Variants in UXS1 observed in about 807,000 individuals in gnomAD.
UXS1 encodes the protein UDP-glucuronic acid decarboxylase 1.
UXS1 carries 33 observed loss-of-function variants against 62.6 expected under a neutral mutation model. That is an observed-to-expected ratio of 0.53 (90% CI 0.40 to 0.70). The LOEUF is 0.70. UXS1 is among the 30% of genes least tolerant of loss of function. The pLI is 0.00. For missense variants in UXS1, 434 were observed against 556.3 expected (o/e 0.78, Z 2.21); for synonymous variants, 213 against 206.8 (o/e 1.03, Z -0.26).
At chr2:106,179,356 T>C (rs943862965) in intron 1 of UXS1, among the ~76,000 whole-genome samples, 3 of 152,100 alleles carry the variant, frequency 2.0e-5, no homozygotes, top group African/African-American at 7.2e-5. Flanking sequence ...TCTCTGGCTC[T>C]GTCATCTTTC....
intron 9 of UXS1, among the ~76,000 whole-genome samples, chr2:106,122,623 TTGA>T (rs1177468153): frequency 6.6e-6 from 1 of 152,212 alleles, no homozygotes; most frequent in Admixed American, 6.5e-5. Flanking sequence ...TTTTACTTAA[TTGA>T]TAGAAAAGTA....
intron 5 of UXS1, among the ~76,000 whole-genome samples, chr2:106,154,265 A>G (rs1341996116): frequency 6.6e-6 from 1 of 152,242 alleles, no homozygotes. Flanking sequence ...ACACAGACAC[A>G]TCATTCTAGA....
chr2:106,146,606 CTG>C (rs1490336745), intron 5 of UXS1, among the ~76,000 whole-genome samples: 2 of 151,698 alleles, frequency 1.3e-5, no homozygotes, highest in African/African-American at 4.8e-5. Flanking sequence ...TGGTGAAACC[CTG>C]TCTCTACTAA....
At chr2:106,150,480 A>G (rs1205301259) in intron 5 of UXS1, among the ~76,000 whole-genome samples, 2 of 152,240 alleles carry the variant, frequency 1.3e-5, no homozygotes, top group East Asian at 1.9e-4. Context: ...CTGTGCTGCC[A>G]CAAGTCTCTG....
chr2:106,178,566 GTGTA>G (rs1407694086), intron 1 of UXS1, among the ~76,000 whole-genome samples: 13 of 151,110 alleles, frequency 8.6e-5, no homozygotes, highest in African/African-American at 1.2e-4. Flanking sequence ...GGGTGTGTGT[GTGTA>G]TATATATATG....
intron 14 of UXS1, among the ~76,000 whole-genome samples, chr2:106,094,780 A>G (rs1676940568): frequency 6.6e-6 from 1 of 152,254 alleles, no homozygotes; most frequent in African/African-American, 2.4e-5. Context: ...GCTGATTAAC[A>G]GCAGAAAGAG....
At chr2:106,176,825 G>C (rs551396555) in intron 1 of UXS1, among the ~76,000 whole-genome samples, 1 of 152,248 alleles carries the variant, frequency 6.6e-6, no homozygotes, top group South Asian at 2.1e-4. Context: ...TGTGGTCCTC[G>C]CCCTGCTCTG....
At chr2:106,171,262 T>C (rs1207377121) in intron 1 of UXS1, among the ~76,000 whole-genome samples, 1 of 150,600 alleles carries the variant, frequency 6.6e-6, no homozygotes. Flanking sequence ...GAGTGTCCTT[T>C]TCCAACAAAG....
Position 106,158,123 on chromosome 2 carries a change from A to G in UXS1, c.231-5T>C. Reference sequence around the variant, plus strand: ...GGTGGGTATTTCTGGGTAAAGCTGTATAATATAAAGAGATTCAAAAGGAAA... The same window carrying G: ...GGTGGGTATTTCTGGGTAAAGCTGTGTAATATAAAGAGATTCAAAAGGAAA... On this transcript the variant is annotated splice_polypyrimidine_tract_variant and splice_region_variant and intron_variant, in intron 4 of 14. Coordinates refer to ENST00000283148, the MANE Select transcript of UXS1 (RefSeq NM_001253875.2). The G allele has an allele frequency of 2.6e-6, 4 of 1,557,690 alleles. No homozygotes were observed. Among genetic ancestry groups the G allele is most frequent in the Non-Finnish European group, 3.5e-6 (4 of 1,148,860 alleles).
chr2:106,179,615 A>G (rs1421829787), intron 1 of UXS1: 1 of 152,258 alleles, frequency 6.6e-6, no homozygotes, highest in East Asian at 1.9e-4. Flanking sequence ...AGTTCTAAAT[A>G]TTGCATTCTA....
intron 1 of UXS1, among the ~76,000 whole-genome samples, chr2:106,185,192 A>G (rs1472802392): frequency 1.3e-5 from 2 of 152,118 alleles, no homozygotes; most frequent in African/African-American, 2.4e-5. Flanking sequence ...TGCCAACTCA[A>G]TGCCCCAGGT....
intron 6 of UXS1, among the ~76,000 whole-genome samples, chr2:106,137,556 AGGTG>A (rs1228259829): frequency 6.6e-6 from 1 of 151,998 alleles, no homozygotes; most frequent in Non-Finnish European, 1.5e-5. Context: ...TGGGAGGCCG[AGGTG>A]GGTGGATCAC....
chr2:106,128,307 T>G (rs1253720190), intron 7 of UXS1, among the ~76,000 whole-genome samples: 1 of 152,096 alleles, frequency 6.6e-6, no homozygotes, highest in Non-Finnish European at 1.5e-5. Context: ...TCTTTCCAGA[T>G]AGGAAGAATG....
At chr2:106,153,380 A>T (rs1242582133) in intron 5 of UXS1, among the ~76,000 whole-genome samples, 1 of 152,144 alleles carries the variant, frequency 6.6e-6, no homozygotes, top group African/African-American at 2.4e-5. Context: ...AGGGAAAGAG[A>T]CTGTCAGCAT....
intron 5 of UXS1, among the ~76,000 whole-genome samples, chr2:106,152,662 G>A (rs1286795325): frequency 2.0e-5 from 3 of 152,150 alleles, no homozygotes; most frequent in African/African-American, 7.2e-5. Flanking sequence ...GCAAGAGTCT[G>A]CAACACTTGA....
rs562935151 is a variant in UXS1, at chr2:106,190,186, C to T, written c.94+3962G>A. Among the ~76,000 whole-genome samples, 4 of 152,266 alleles carry T rather than the reference C, an allele frequency of 2.6e-5. No homozygotes were observed. The East Asian group carries it at 5.8e-4, about 22-fold the overall frequency. On this transcript the variant is annotated intron_variant, in intron 1 of 14. Transcript: ENST00000283148. Reference sequence around the variant, plus strand: ...CAAATTAGAACACCAGCCAATTATTCGCTGGAGAAAACAAAAAGTAACCTA... The same window carrying T: ...CAAATTAGAACACCAGCCAATTATTTGCTGGAGAAAACAAAAAGTAACCTA...
chr2:106,112,750 G>A lies in UXS1; in HGVS notation c.775C>T (p.Arg259Ter), dbSNP rs766671786. 1.9e-6 allele frequency: 3 copies of A among 1,613,702 alleles called. No individual in the cohort carries two copies. The highest frequency in any genetic ancestry group is 1.7e-5 in the Admixed American group (1 of 60,004). Residue 259 changes from arginine to a stop codon, truncating the protein, a stop_gained, in exon 10 of 15, where the codon CGA becomes TGA. Transcript: ENST00000283148. LOFTEE classifies it high-confidence loss of function. The part of the protein sequence containing the change: ...AYMKQEGVEV[R>*]VARIFNTFGP... ...AAGGTGTTGAAGATTCTGGCCACTCGCACTTCCACGCCTTCCTGGAACAGA... is the reference window on the plus strand; with the variant it reads ...AAGGTGTTGAAGATTCTGGCCACTCACACTTCCACGCCTTCCTGGAACAGA...
intron 10 of UXS1, among the ~76,000 whole-genome samples, chr2:106,111,553 G>C (rs1166697198): frequency 1.3e-5 from 2 of 152,144 alleles, no homozygotes; most frequent in Non-Finnish European, 2.9e-5. Flanking sequence ...ATGAAGAGCG[G>C]GGGCTCTGGC....
intron 5 of UXS1, among the ~76,000 whole-genome samples, chr2:106,152,580 G>C (rs1014089845): frequency 6.9e-6 from 1 of 143,920 alleles, no homozygotes; most frequent in Non-Finnish European, 1.5e-5. Flanking sequence ...AGGAAGGAAA[G>C]GAAAGAAAGA....
Sources: allele counts gnomAD v4.1 joint callset (sites outside exome capture counted in the v4.1 genomes callset), GRCh38; gene constraint gnomAD v4.1.1; transcripts MANE v1.5; gene names NCBI Gene and HGNC (gene_info 2026-07-23, HGNC 2026-07-21).